Variants in CRADD observed in about 807,000 individuals in gnomAD.
CRADD encodes the protein death domain-containing protein CRADD.
CRADD carries 9 observed loss-of-function variants against 15.5 expected under a neutral mutation model. That is an observed-to-expected ratio of 0.58 (90% confidence interval 0.35 to 1.01). CRADD has a LOEUF of 1.01. Among genes scored for constraint, CRADD ranks in the 50% least tolerant of loss-of-function variants. The probability of loss-of-function intolerance (pLI) is 0.02; values close to 1 mark genes in which losing one functional copy is unlikely to be tolerated. For synonymous variants in CRADD, 118 were observed against 107.6 expected (o/e 1.10, Z -0.60); for missense variants, 227 against 250.3 (o/e 0.91, Z 0.63).
At chr12:93,842,920 G>A (rs372523901) in intron 2 of CRADD, among the ~76,000 whole-genome samples, 2 of 152,056 alleles carry the variant, frequency 1.3e-5, no homozygotes, top group African/African-American at 4.8e-5. Flanking sequence ...TTTTGAAACC[G>A]ACGAGTTTCA....
chr12:93,856,129 C>T (rs908487353), intron 2 of CRADD, among the ~76,000 whole-genome samples: 1 of 152,216 alleles, frequency 6.6e-6, no homozygotes, highest in African/African-American at 2.4e-5. Flanking sequence ...CTTCTTCACC[C>T]TCCCAGGGCT....
At chr12:93,876,208 T>C (rs955030951) in intron 2 of CRADD, among the ~76,000 whole-genome samples, 1 of 152,202 alleles carries the variant, frequency 6.6e-6, no homozygotes, top group South Asian at 2.1e-4. Context: ...CTCCATTGTA[T>C]GTTATTTGTT....
In CRADD at chr12:93,850,181, C is replaced by A. The variant is rs374364723; in HGVS notation, c.510C>A (p.Arg170=). 11 of 1,613,690 alleles carry A rather than the reference C, an allele frequency of 6.8e-6. No homozygotes were observed. In the African/African-American group the frequency reaches 1.3e-4, roughly 20 times the overall value. ...AGGCCTTCATCCGTTGGCGGCAGCG[C>A]TTCGGGAAGCAGGCCACCTTCCAGA... is the stretch of plus-strand genomic sequence containing the variant. ...VVEAFIRWRQ[R]FGKQATFQSL... is the part of the protein sequence containing the mutation. Residue 170 remains arginine, a synonymous_variant, in exon 3 of 3, where the codon CGC becomes CGA. Coordinates refer to ENST00000332896, the MANE Select transcript of CRADD (RefSeq NM_003805.5). This position sits in a 1 kb window ranked among gnomAD's most constrained non-coding sequence, Gnocchi z 4.0.
rs148581831 is a variant in CRADD at position 93,710,506 on chromosome 12, G to A, written c.298+31434G>A. ...GATTACAGGTGCACACCACCACACT[G>A]GCTAAATTCTGTATTTTTAGTAGAG... On this transcript the variant is annotated intron_variant, in intron 2 of 2. Coordinates refer to ENST00000332896, the MANE Select transcript of CRADD (RefSeq NM_003805.5). Among the ~76,000 whole-genome samples the A allele has an allele frequency of 5.0e-3, 765 of 151,970 alleles. 3 individuals carry two copies. Among genetic ancestry groups the A allele is most frequent in the African/African-American group, 0.017 (695 of 41,472 alleles).
intron 2 of CRADD, among the ~76,000 whole-genome samples, chr12:93,772,906 G>T (rs1565908115): frequency 6.6e-6 from 1 of 152,096 alleles, no homozygotes; most frequent in African/African-American, 2.4e-5. Flanking sequence ...AACTGGGAAG[G>T]GTACCCAGAA....
chr12:93,776,306 C>T (rs778637414), intron 2 of CRADD, among the ~76,000 whole-genome samples: 1 of 152,106 alleles, frequency 6.6e-6, no homozygotes, highest in African/African-American at 2.4e-5. Flanking sequence ...ATCCTTATAG[C>T]GATCTGCAAA....
chr12:93,760,055 A>G (rs1295214552), intron 2 of CRADD, among the ~76,000 whole-genome samples: 3 of 152,216 alleles, frequency 2.0e-5, no homozygotes, highest in African/African-American at 7.2e-5. Flanking sequence ...GGAGACTACC[A>G]GTCACTTGTT....
chr12:93,767,020 T>C (rs1957033306), intron 2 of CRADD, among the ~76,000 whole-genome samples: 1 of 152,196 alleles, frequency 6.6e-6, no homozygotes, highest in Admixed American at 6.5e-5. Context: ...TTCCAGGATG[T>C]TCTCCCTCTC....
chr12:93,709,381 T>A (rs137867099), intron 2 of CRADD, among the ~76,000 whole-genome samples: 67 of 152,306 alleles, frequency 4.4e-4, no homozygotes, highest in Non-Finnish European at 7.8e-4. Flanking sequence ...CAGTACCCAG[T>A]AGTTATCTTT....
rs1369430779 is a variant in CRADD at position 93,850,415 on chromosome 12, A to G, written c.*144A>G. On this transcript the variant is annotated 3_prime_UTR_variant, in exon 3 of 3. Coordinates refer to ENST00000332896, the MANE Select transcript of CRADD (RefSeq NM_003805.5). The surrounding 1 kb of genome is among the most constrained non-coding windows in gnomAD (Gnocchi z 4.0). ...GATGGAAGGAGAAAACAGGGTTTCC[A>G]CTAGACATTACTTGAAAGGCCAGAT... The G allele has an allele frequency of 7.3e-7, 1 of 1,376,114 alleles. No homozygotes were observed. Among genetic ancestry groups the G allele is most frequent in the African/African-American group, 1.5e-5 (1 of 67,194 alleles). 85.2% of individuals were successfully genotyped at this position (1,376,114 alleles called of 1,614,324 possible).
chr12:93,875,915 C>A (rs980785626), intron 2 of CRADD, among the ~76,000 whole-genome samples: 1 of 152,076 alleles, frequency 6.6e-6, no homozygotes, highest in African/African-American at 2.4e-5. Context: ...GAGTTTTGTA[C>A]TTTCAGGTGA....
In CRADD at chr12:93,859,235, G is replaced by A. The variant is rs1467033030; in HGVS notation, c.299-34815G>A. The A allele has an allele frequency of 9.1e-6, 4 of 440,344 alleles. No homozygotes were observed. In the East Asian group the frequency reaches 2.1e-4, roughly 23 times the overall value. The allele number at this position is 440,344 out of a possible 1,614,324, so 27.3% of individuals were successfully genotyped here. On this transcript the variant is annotated intron_variant, in intron 2 of 2. Transcript: ENST00000548483. ...TGTAAGTGCTTTCATTTTTTAAAAT[G>A]AAATTGTTTTAAATTGTTTTTTAAA...
chr12:93,792,712 A>G (rs553032936), intron 2 of CRADD, among the ~76,000 whole-genome samples: 1 of 152,314 alleles, frequency 6.6e-6, no homozygotes, highest in South Asian at 2.1e-4. Context: ...AGTAGATGCT[A>G]TTATAATCCC....
intron 2 of CRADD, among the ~76,000 whole-genome samples, chr12:93,793,300 ATAAGCTATATTACT>A (rs1957372550): frequency 6.6e-6 from 1 of 152,214 alleles, no homozygotes; most frequent in Non-Finnish European, 1.5e-5. Flanking sequence ...AACTTACTTA[ATAAGCTATATTACT>A]TAAGCTATAT....
intron 2 of CRADD, among the ~76,000 whole-genome samples, chr12:93,731,844 C>G (rs11107168): frequency 0.057 from 8,672 of 152,160 alleles, 295 homozygotes; most frequent in African/African-American, 0.076. Flanking sequence ...TATTATGAAA[C>G]AGTGAAATCT....
At chr12:93,738,789 C>G (rs956191126) in intron 2 of CRADD, among the ~76,000 whole-genome samples, 1 of 148,338 alleles carries the variant, frequency 6.7e-6, no homozygotes, top group African/African-American at 2.5e-5. Flanking sequence ...CAAACTCTGA[C>G]TAGAAAGAAA....
chr12:93,870,982 A>G (rs781571910), intron 2 of CRADD, among the ~76,000 whole-genome samples: 21 of 152,256 alleles, frequency 1.4e-4, no homozygotes, highest in Non-Finnish European at 2.5e-4. Context: ...AGAAGTTTTC[A>G]AACAGATGAA....
chr12:93,851,904 G>T (rs533695760), downstream of CRADD, among the ~76,000 whole-genome samples: 17 of 152,294 alleles, frequency 1.1e-4, no homozygotes, highest in South Asian at 3.3e-3. Context: ...TGACAATAGT[G>T]TGTGGATAAC....
chr12:93,735,960 G>A (rs549956624), intron 2 of CRADD, among the ~76,000 whole-genome samples: 1 of 151,850 alleles, frequency 6.6e-6, no homozygotes, highest in African/African-American at 2.4e-5. Flanking sequence ...AGGAGGCCGA[G>A]GTGGGATGAT....
Sources: gnomAD v4.1 joint callset for allele counts (sites outside exome capture counted in the v4.1 genomes callset) on GRCh38, gnomAD v4.1.1 for gene constraint, Gnocchi (gnomAD v3.1) non-coding constraint, MANE v1.5 for transcripts, NCBI Gene and HGNC (gene_info 2026-07-23, HGNC 2026-07-21) for gene names.